CYFIP1: variants seen among roughly 807,000 people sequenced by gnomAD.
CYFIP1 encodes cytoplasmic FMR1 interacting protein 1, also known as cytoplasmic FMR1-interacting protein 1.
A neutral mutation model predicts 163.5 loss-of-function variants in CYFIP1; 58 were observed. That is an observed-to-expected ratio of 0.35 (90% CI 0.29 to 0.44). The LOEUF is 0.44. Among genes scored for constraint, CYFIP1 ranks in the 20% least tolerant of loss-of-function variants. The pLI, the probability that CYFIP1 is intolerant of heterozygous loss-of-function variation, is 1.00. For synonymous variants in CYFIP1, 663 were observed against 660.7 expected (o/e 1.00, Z -0.05); for missense variants, 1,338 against 1,653.8 (o/e 0.81, Z 3.31).
intron 1 of CYFIP1, among the ~76,000 whole-genome samples, chr15:22,952,386 TGGCTCCA>T (rs2062281776): frequency 1.3e-5 from 2 of 151,990 alleles, no homozygotes; most frequent in African/African-American, 4.8e-5. Flanking sequence ...GAGGACGCGG[TGGCTCCA>T]GCCTATAATC....
intron 21 of CYFIP1, chr15:22,905,157 G>A (rs942159677): frequency 1.3e-5 from 2 of 152,074 alleles, no homozygotes; most frequent in South Asian, 2.1e-4. Flanking sequence ...CTGCAATACC[G>A]TTTTTAAATG....
intron 24 of CYFIP1, 145 bp downstream of exon 24, chr15:22,882,723 A>C (rs12913456): frequency 0.62 from 534,667 of 865,992 alleles, 175,194 homozygotes; most frequent in Admixed American, 0.7. Context: ...GGAAGTATCA[A>C]ACTATATATG....
intron 24 of CYFIP1, 125 bp from the exon 25 acceptor site, chr15:22,882,061 C>T (rs914022929): frequency 6.4e-6 from 5 of 776,352 alleles, no homozygotes; most frequent in East Asian, 5.4e-5. Flanking sequence ...GCTGCAGGAT[C>T]GTCTGGCTGG....
At chr15:22,973,441 CTCTCTG>C (rs1455269307) in intron 1 of CYFIP1, among the ~76,000 whole-genome samples, 1 of 151,874 alleles carries the variant, frequency 6.6e-6, no homozygotes, top group African/African-American at 2.4e-5. Flanking sequence ...CACCTGTCTA[CTCTCTG>C]TCTCTGTATA....
At chr15:22,892,684 T>C (rs746171030) in intron 23 of CYFIP1, among the ~76,000 whole-genome samples, 4 of 152,216 alleles carry the variant, frequency 2.6e-5, no homozygotes, top group South Asian at 2.1e-4. Flanking sequence ...TAGTTCTAGA[T>C]AAGCACTGTT....
intron 3 of CYFIP1, among the ~76,000 whole-genome samples, chr15:22,946,295 A>C (rs2062056353): frequency 6.6e-6 from 1 of 150,562 alleles, no homozygotes; most frequent in Admixed American, 6.6e-5. Context: ...CCTGAGTGAG[A>C]CCATCTCAAA....
In CYFIP1 at chr15:22,870,058, C is replaced by T. The variant is rs1222225742; in HGVS notation, c.3732G>A (p.Pro1244=). 2.2e-5 allele frequency: 36 copies of T among 1,607,762 alleles called. 1 individual carries two copies. Among genetic ancestry groups the T allele is most frequent in the Middle Eastern group, 1.6e-4 (1 of 6,070 alleles). The change falls in exon 31 of 31, where the codon CCG becomes CCA. Residue 1244 remains proline (P), a synonymous_variant. Transcript: ENST00000617928. ...TPVEHVRCFQ[P]PIHQSLASS ...TGCTGGCGAGGGACTGGTGGATGGG[C>T]GGCTGGAAGCAGCGCACATGCTCCA... is the stretch of plus-strand genomic sequence containing the variant.
chr15:22,919,600 C>T, intron 13 of CYFIP1, among the ~76,000 whole-genome samples: 1 of 152,286 alleles, frequency 6.6e-6, no homozygotes, highest in South Asian at 2.1e-4. Context: ...TCCACCCTGC[C>T]GTGTGGATGT....
At chr15:22,899,145 G>C (rs2060321565) in intron 22 of CYFIP1, among the ~76,000 whole-genome samples, 2 of 152,044 alleles carry the variant, frequency 1.3e-5, no homozygotes, top group South Asian at 2.1e-4. Context: ...GCCAGGATTA[G>C]CAATTCTGAA....
chr15:22,874,300 G>A, intron 28 of CYFIP1, among the ~76,000 whole-genome samples: 1 of 152,358 alleles, frequency 6.6e-6, no homozygotes, highest in East Asian at 1.9e-4. Context: ...GACAGTGAAA[G>A]TGATGTCTTC....
chr15:22,910,963 G>A (rs755043286), intron 18 of CYFIP1, 150 bp from the exon 19 acceptor site: 22 of 682,044 alleles, frequency 3.2e-5, no homozygotes, highest in South Asian at 1.8e-4. Flanking sequence ...AGGCTGGAGC[G>A]CAGTAGTGCG....
intron 1 of CYFIP1, among the ~76,000 whole-genome samples, chr15:22,978,326 T>C (rs1218180681): frequency 1.7e-5 from 2 of 115,800 alleles, no homozygotes; most frequent in Non-Finnish European, 3.2e-5. Flanking sequence ...CACTCCAGTC[T>C]GGGCCACAGA....
At chr15:22,966,976 C>T (rs149082522) in intron 1 of CYFIP1, among the ~76,000 whole-genome samples, 245 of 151,616 alleles carry the variant, frequency 1.6e-3, no homozygotes, top group African/African-American at 5.6e-3. Context: ...GAGGGGACGC[C>T]GCAGTTCCCA....
At chr15:22,919,019 C>A (rs1194968016) in intron 13 of CYFIP1, among the ~76,000 whole-genome samples, 161 bp from the exon 14 acceptor site, 3 of 152,178 alleles carry the variant, frequency 2.0e-5, no homozygotes, top group Admixed American at 6.5e-5. Flanking sequence ...TTCTCCAAAG[C>A]CATAGTCAAT....
intron 12 of CYFIP1, among the ~76,000 whole-genome samples, chr15:22,926,904 G>A (rs964424983): frequency 2.4e-4 from 37 of 152,190 alleles, no homozygotes; most frequent in African/African-American, 7.7e-4. Flanking sequence ...TATTTATGGC[G>A]ATGGACATCC....
rs191815433 is a variant in CYFIP1, at chr15:22,918,677, G to A, written c.1526+15C>T. On this transcript the variant is annotated intron_variant, in intron 14 of 30. Transcript: ENST00000617928. ...CGTGTGGGCACAGCGGGCACAGGGC[G>A]TGGGGAAGGCTGACCTCTGGATGAC... The A allele has an allele frequency of 1.2e-4, 181 of 1,573,662 alleles. No individual in the cohort carries two copies. The African/African-American group carries it at 1.4e-3, about 12-fold the overall frequency.
In CYFIP1 at chr15:22,903,865, T is replaced by A; in HGVS notation, c.2429A>T (p.Lys810Met). 1 of 1,614,168 alleles carries A rather than the reference T, an allele frequency of 6.2e-7. No homozygotes were observed. Among genetic ancestry groups the A allele is most frequent in the East Asian group, 2.2e-5 (1 of 44,872 alleles). The change falls in exon 22 of 31, where the codon AAG (lysine) becomes ATG (methionine). Residue 810 changes from lysine to methionine, a missense_variant. Around this residue, in one of 4 missense-constraint regions of CYFIP1, gnomAD observed 824 missense variants for 995.7 expected, o/e 0.83. Transcript: ENST00000617928. The part of the protein sequence containing the change: ...GLLEINRMTH[K>M]LLSRYLTLDG... ...CAGCGTCAGGTACCGGCTCAGCAGC[T>A]TGTGGGTCATGCGGTTGATTTCCAA...
chr15:22,920,590 C>G (rs748220010), intron 13 of CYFIP1, among the ~76,000 whole-genome samples: 2 of 152,128 alleles, frequency 1.3e-5, no homozygotes, highest in Non-Finnish European at 1.5e-5. Context: ...AGTTGACAGT[C>G]TGCTTTTAAT....
chr15:22,910,004 AG>A (rs111941446), intron 20 of CYFIP1, among the ~76,000 whole-genome samples: 5,484 of 152,200 alleles, frequency 0.036, 321 homozygotes, highest in African/African-American at 0.12. Context: ...CAGGAGCCGC[AG>A]GGCAGATACA....
Sources: gnomAD v4.1 joint callset for allele counts (sites outside exome capture counted in the v4.1 genomes callset) on GRCh38, gnomAD v4.1.1 for gene constraint, gnomAD v4.1.1 regional missense constraint, MANE v1.5 for transcripts, NCBI Gene and HGNC (gene_info 2026-07-23, HGNC 2026-07-21) for gene names.